CACNA1D: variants seen among roughly 807,000 people sequenced by gnomAD.
The protein encoded by CACNA1D is calcium voltage-gated channel subunit alpha1 D.
CACNA1D carries 55 observed loss-of-function variants against 257.1 expected under a neutral mutation model. That is an observed-to-expected ratio of 0.21 (90% CI 0.17 to 0.27). CACNA1D has a LOEUF of 0.27. Ranked by LOEUF, CACNA1D falls within the 10% of genes least tolerant of loss-of-function variation. The pLI is 1.00. For missense variants in CACNA1D, 1,876 were observed against 2,784.0 expected (o/e 0.67, Z 7.34); for synonymous variants, 980 against 1,014.9 (o/e 0.97, Z 0.65).
intron 3 of CACNA1D, among the ~76,000 whole-genome samples, chr3:53,608,863 T>C (rs533018672): frequency 6.6e-6 from 1 of 152,352 alleles, no homozygotes; most frequent in Non-Finnish European, 1.5e-5. Context: ...CCTTTTGATA[T>C]ATTATTGAAT....
chr3:53,677,324 G>A (rs571413864), intron 8 of CACNA1D, among the ~76,000 whole-genome samples: 3 of 152,294 alleles, frequency 2.0e-5, no homozygotes, highest in South Asian at 2.1e-4. Context: ...GGAGTCCCGC[G>A]TTCACTCTGG....
intron 3 of CACNA1D, among the ~76,000 whole-genome samples, chr3:53,552,416 TG>T (rs2092553237): frequency 6.6e-6 from 1 of 152,210 alleles, no homozygotes; most frequent in South Asian, 2.1e-4. Flanking sequence ...AGTCTCGCTC[TG>T]TTGCCCAGGC....
chr3:53,775,902 G>T lies in CACNA1D; in HGVS notation c.4219G>T (p.Ala1407Ser), dbSNP rs762565807. Reference sequence around the variant, plus strand: ...CTGAAAAAGGTGTGCAACAGGTGAGGCCTGGCAGGAGATCATGCTGGCCTG... The same window carrying T: ...CTGAAAAAGGTGTGCAACAGGTGAGTCCTGGCAGGAGATCATGCTGGCCTG... ...LLLFRCATGE[A>S]WQEIMLACLP... Residue 1407 changes from alanine to serine, a missense_variant, in exon 35 of 48, where the codon GCC becomes TCC. By Grantham distance (99) the Ala-to-Ser change is moderately conservative. Coordinates refer to ENST00000350061, the MANE Select transcript of CACNA1D (RefSeq NM_001128840.3). 1.9e-6 allele frequency: 3 copies of T among 1,614,166 alleles called. No individual in the cohort carries two copies. Among genetic ancestry groups the T allele is most frequent in the South Asian group, 2.2e-5 (2 of 91,088 alleles).
chr3:53,811,443 G>GT lies in CACNA1D; in HGVS notation c.*37_*38insT, dbSNP rs1487465019. The GT allele has an allele frequency of 2.7e-6, 4 of 1,501,450 alleles. No individual in the cohort carries two copies. In the Admixed American group the frequency reaches 6.8e-5, roughly 26 times the overall value. 93.0% of individuals were successfully genotyped at this position (1,501,450 alleles called of 1,614,324 possible). A position where few individuals can be genotyped will look rare whatever the true frequency, so the allele number is the denominator to read the frequency against. On this transcript the variant is annotated 3_prime_UTR_variant, in exon 48 of 48. Coordinates refer to ENST00000350061, the MANE Select transcript of CACNA1D (RefSeq NM_001128840.3). This position sits in a 1 kb window ranked among gnomAD's most constrained non-coding sequence, Gnocchi z 4.2. Reference sequence around the variant, plus strand: ...GGGCAGACTGGCTCTGGCCTCAGGTGGGGCGCAGGAGAGCCAGGGGAAAAG... The same window carrying GT: ...GGGCAGACTGGCTCTGGCCTCAGGTGTGGGCGCAGGAGAGCCAGGGGAAAAG...
At position 53,804,964 on chromosome 3, in the gene CACNA1D, C is replaced by T. The variant is rs752696940; in HGVS notation, c.5586-19C>T. ...AGCTTGTTACCTAGAACCTTACTGC[C>T]CTCCTCTCTGACCTCCAGGCAAAAC... On this transcript the variant is annotated intron_variant, in intron 44 of 47. Coordinates refer to ENST00000350061, the MANE Select transcript of CACNA1D (RefSeq NM_001128840.3). 2 of 1,613,228 alleles carry T rather than the reference C, an allele frequency of 1.2e-6. No individual in the cohort carries two copies. The highest frequency in any genetic ancestry group is 3.3e-5 in the Admixed American group (2 of 60,022).
intron 2 of CACNA1D, among the ~76,000 whole-genome samples, chr3:53,500,991 G>A (rs2090576564): frequency 6.6e-6 from 1 of 152,172 alleles, no homozygotes; most frequent in Non-Finnish European, 1.5e-5. Context: ...TATAGCCATC[G>A]ATTCCTCTAG....
chr3:53,580,298 G>T (rs937160223), intron 3 of CACNA1D, among the ~76,000 whole-genome samples: 1 of 152,240 alleles, frequency 6.6e-6, no homozygotes. Context: ...TAGTGATGGA[G>T]AGATTTGATT....
At chr3:53,514,330 G>A (rs1416185576) in intron 3 of CACNA1D, among the ~76,000 whole-genome samples, 4 of 151,766 alleles carry the variant, frequency 2.6e-5, no homozygotes, top group African/African-American at 4.8e-5. Context: ...TATGACCAAA[G>A]GGCAGAGCCA....
intron 3 of CACNA1D, among the ~76,000 whole-genome samples, chr3:53,645,683 A>G (rs1056164411): frequency 3.9e-5 from 6 of 152,196 alleles, no homozygotes; most frequent in African/African-American, 1.4e-4. Context: ...TAAAATTTAA[A>G]TTTCTATTGT....
chr3:53,676,521 T>C (rs2094378309), intron 8 of CACNA1D, among the ~76,000 whole-genome samples: 1 of 152,234 alleles, frequency 6.6e-6, no homozygotes, highest in Non-Finnish European at 1.5e-5. Context: ...TGTAATCCGC[T>C]AAGCACTGAA....
intron 3 of CACNA1D, among the ~76,000 whole-genome samples, chr3:53,590,152 C>G (rs887152467): frequency 6.6e-6 from 1 of 152,266 alleles, no homozygotes; most frequent in East Asian, 1.9e-4. Flanking sequence ...CCAGCCTCAG[C>G]TCATGCCACT....
At chr3:53,729,803 G>A in intron 15 of CACNA1D, among the ~76,000 whole-genome samples, 1 of 152,204 alleles carries the variant, frequency 6.6e-6, no homozygotes, top group East Asian at 1.9e-4. Flanking sequence ...AGATCGAGCT[G>A]CAGTGAGACT....
chr3:53,779,317 C>T (rs2095413873), intron 37 of CACNA1D, among the ~76,000 whole-genome samples: 2 of 152,142 alleles, frequency 1.3e-5, no homozygotes, highest in South Asian at 4.2e-4. Flanking sequence ...TCTTTGTCAT[C>T]CCAGAGTCCC....
At chr3:53,803,241 C>T (rs776306571) in intron 43 of CACNA1D, among the ~76,000 whole-genome samples, 182 bp from the exon 44 acceptor site, 2 of 152,250 alleles carry the variant, frequency 1.3e-5, no homozygotes, top group Non-Finnish European at 2.9e-5. Context: ...ACACCACACA[C>T]ACAGACACAC....
chr3:53,509,057 C>G (rs1321087196), intron 3 of CACNA1D, among the ~76,000 whole-genome samples: 2 of 152,188 alleles, frequency 1.3e-5, no homozygotes, highest in Non-Finnish European at 2.9e-5. Flanking sequence ...CAAGTCCTGT[C>G]TGCTCATGTG....
At chr3:53,689,229 C>T (rs1295191537) in intron 8 of CACNA1D, among the ~76,000 whole-genome samples, 3 of 152,036 alleles carry the variant, frequency 2.0e-5, no homozygotes, top group Non-Finnish European at 4.4e-5. Flanking sequence ...GGACCTGGTG[C>T]CTCCTGCCTG....
intron 3 of CACNA1D, among the ~76,000 whole-genome samples, chr3:53,535,996 G>T (rs1210929222): frequency 6.6e-6 from 1 of 152,216 alleles, no homozygotes; most frequent in African/African-American, 2.4e-5. Flanking sequence ...ATTAGTGACA[G>T]ATTCAGTGGA....
intron 8 of CACNA1D, among the ~76,000 whole-genome samples, chr3:53,687,164 C>T (rs2094480361): frequency 6.6e-6 from 1 of 151,980 alleles, no homozygotes; most frequent in Non-Finnish European, 1.5e-5. Context: ...ATACCATGCC[C>T]ATGGATTGAA....
chr3:53,518,066 C>T (rs2091413546), intron 3 of CACNA1D, among the ~76,000 whole-genome samples: 1 of 152,206 alleles, frequency 6.6e-6, no homozygotes, highest in African/African-American at 2.4e-5. Context: ...AGCTGGGTAG[C>T]CACCTGAGGC....
Sources: allele counts gnomAD v4.1 joint callset (sites outside exome capture counted in the v4.1 genomes callset), GRCh38; gene constraint gnomAD v4.1.1; non-coding constraint Gnocchi (gnomAD v3.1); transcripts MANE v1.5; gene names NCBI Gene and HGNC (gene_info 2026-07-23, HGNC 2026-07-21).